HMGCLL1: variants seen among roughly 807,000 people sequenced by gnomAD.
HMGCLL1 encodes the protein 3-hydroxy-3-methylglutaryl-CoA lyase like 1, also known as 3-hydroxymethyl-3-methylglutaryl-CoA lyase, cytoplasmic.
Under a neutral mutation model 39.1 loss-of-function variants are expected in HMGCLL1, and 36 were observed. That is an observed-to-expected ratio of 0.92 (90% CI 0.71 to 1.22). The LOEUF is 1.22. Among genes scored for constraint, HMGCLL1 ranks in the 50% most tolerant of loss-of-function variants. HMGCLL1 has a pLI of 0.00. For synonymous variants in HMGCLL1, 149 were observed against 144.0 expected, an observed-to-expected ratio of 1.03 and a Z score of -0.25; for missense variants, 451 against 416.5, an observed-to-expected ratio of 1.08 and a Z score of -0.72.
intron 7 of HMGCLL1, among the ~76,000 whole-genome samples, chr6:55,454,130 A>T (rs1051501360): frequency 6.6e-6 from 1 of 152,158 alleles, no homozygotes; most frequent in Non-Finnish European, 1.5e-5. Context: ...GGTAATGTTT[A>T]TATTTATAGT....
chr6:55,568,712 C>T (rs1771331137), intron 1 of HMGCLL1, among the ~76,000 whole-genome samples: 1 of 152,066 alleles, frequency 6.6e-6, no homozygotes, highest in Admixed American at 6.6e-5. Flanking sequence ...CCTTTCAAAT[C>T]TGAATTTCTA....
At chr6:55,666,357 T>C in the HMGCLL1 span, among the ~76,000 whole-genome samples, 1 of 151,810 alleles carries the variant, frequency 6.6e-6, no homozygotes, top group South Asian at 2.1e-4. Flanking sequence ...ACCACATTCT[T>C]ATCCACTCAA....
chr6:55,650,110 T>TATATATATATATATACACATATAC, the HMGCLL1 span, among the ~76,000 whole-genome samples: 1 of 74,526 alleles, frequency 1.3e-5, no homozygotes, highest in Admixed American at 1.5e-4. Context: ...TATATATATA[T>TATATATATATATATACACATATAC]ATATATATAT....
chr6:55,516,857 TTTA>T (rs1436248439), intron 3 of HMGCLL1, among the ~76,000 whole-genome samples: 2 of 152,118 alleles, frequency 1.3e-5, no homozygotes, highest in Non-Finnish European at 2.9e-5. Flanking sequence ...AATTCGGAAC[TTTA>T]TTATTTTCAC....
Position 55,481,608 on chromosome 6 carries a change from G to A in HMGCLL1, c.795+13811C>T, listed in dbSNP as rs567828155. 2.6e-5 allele frequency among the ~76,000 whole-genome samples: 4 copies of A among 152,188 alleles called. No homozygotes were observed. The South Asian group carries it at 6.2e-4, about 24-fold the overall frequency. The stretch of plus-strand genomic sequence containing the variant: ...GATCTACACTCTTAGAGTAGGCTCA[G>A]TCTGTGTAAGCTAGTGAAAGCATGC... On this transcript the variant is annotated intron_variant, in intron 7 of 8. Coordinates refer to ENST00000274901, the MANE Select transcript of HMGCLL1 (RefSeq NM_001042406.2).
At chr6:55,657,644 T>C in the HMGCLL1 span, among the ~76,000 whole-genome samples, 2 of 151,838 alleles carry the variant, frequency 1.3e-5, no homozygotes, top group Non-Finnish European at 2.9e-5. Flanking sequence ...AATAGCAAAA[T>C]ATGGAATCAA....
the HMGCLL1 span, among the ~76,000 whole-genome samples, chr6:55,654,228 A>G: frequency 1.3e-5 from 2 of 152,076 alleles, no homozygotes; most frequent in South Asian, 2.1e-4. Context: ...TGAAAGGGAA[A>G]GAGGAGGACA....
At chr6:55,660,565 G>T in the HMGCLL1 span, among the ~76,000 whole-genome samples, 1 of 151,940 alleles carries the variant, frequency 6.6e-6, no homozygotes, top group African/African-American at 2.4e-5. Context: ...TTTTATGGCT[G>T]TGAAGTATTC....
intron 3 of HMGCLL1, among the ~76,000 whole-genome samples, chr6:55,526,291 C>CT (rs1768318078): frequency 6.6e-6 from 1 of 151,848 alleles, no homozygotes; most frequent in Admixed American, 6.6e-5. Context: ...ATCTTTTTCC[C>CT]TTTTTTATCT....
the HMGCLL1 span, among the ~76,000 whole-genome samples, chr6:55,616,922 A>G: frequency 6.6e-6 from 1 of 152,096 alleles, no homozygotes; most frequent in Non-Finnish European, 1.5e-5. Flanking sequence ...TTGGAAATTT[A>G]AAATGTGACT....
chr6:55,492,413 C>T (rs1766361811), intron 7 of HMGCLL1, among the ~76,000 whole-genome samples: 1 of 152,140 alleles, frequency 6.6e-6, no homozygotes, highest in Non-Finnish European at 1.5e-5. Flanking sequence ...TGGTGAACAC[C>T]TCACTCAGCG....
chr6:55,460,060 T>A (rs1365285503), intron 7 of HMGCLL1, among the ~76,000 whole-genome samples: 1 of 151,976 alleles, frequency 6.6e-6, no homozygotes, highest in African/African-American at 2.4e-5. Context: ...GGCTGGTACC[T>A]AATCTTTTAT....
the HMGCLL1 span, among the ~76,000 whole-genome samples, chr6:55,635,401 C>A: frequency 6.6e-6 from 1 of 151,936 alleles, no homozygotes; most frequent in African/African-American, 2.4e-5. Flanking sequence ...CAAGACCTGA[C>A]TGTTTTGAGG....
chr6:55,530,533 T>G (rs1490320911), intron 3 of HMGCLL1, among the ~76,000 whole-genome samples: 2 of 151,992 alleles, frequency 1.3e-5, no homozygotes, highest in Non-Finnish European at 2.9e-5. Flanking sequence ...AAAAGCAAAA[T>G]AAAATCAAAT....
the HMGCLL1 span, among the ~76,000 whole-genome samples, chr6:55,673,552 A>C: frequency 6.6e-6 from 1 of 152,136 alleles, no homozygotes; most frequent in South Asian, 2.1e-4. Context: ...AGAAAATAGC[A>C]AACACCGTTA....
chr6:55,576,585 T>C (rs1251129810), intron 1 of HMGCLL1, among the ~76,000 whole-genome samples: 1 of 152,188 alleles, frequency 6.6e-6, no homozygotes, highest in Non-Finnish European at 1.5e-5. Context: ...TGAAGAGGGA[T>C]TCCTGGAAAG....
At chr6:55,557,640 GTC>G (rs956910534) in intron 1 of HMGCLL1, among the ~76,000 whole-genome samples, 4 of 152,088 alleles carry the variant, frequency 2.6e-5, no homozygotes, top group Admixed American at 2.0e-4. Flanking sequence ...CCCCAGAGGT[GTC>G]TCTAATGTTG....
At chr6:55,609,920 C>T in the HMGCLL1 span, among the ~76,000 whole-genome samples, 1 of 152,022 alleles carries the variant, frequency 6.6e-6, no homozygotes, top group Non-Finnish European at 1.5e-5. Context: ...AAGTGAACCC[C>T]CAGCAAACCC....
At position 55,496,128 on chromosome 6, in the gene HMGCLL1, T is replaced by C. The variant is rs1390903091; in HGVS notation, c.607-521A>G. Among the ~76,000 whole-genome samples, 9 of 152,102 alleles carry C rather than the reference T, an allele frequency of 5.9e-5. No individual in the cohort carries two copies. The South Asian group carries it at 1.2e-3, about 21-fold the overall frequency. On this transcript the variant is annotated intron_variant, in intron 6 of 8. Coordinates refer to ENST00000274901, the MANE Select transcript of HMGCLL1 (RefSeq NM_001042406.2). ...ACTCTATGGATCCACTTGTACGTGA[T>C]TTTTTAAAAAATAACTATATTAAAT... is the stretch of plus-strand genomic sequence containing the variant.
Sources: gnomAD v4.1 joint callset for allele counts (sites outside exome capture counted in the v4.1 genomes callset) on GRCh38, gnomAD v4.1.1 for gene constraint, MANE v1.5 for transcripts, NCBI Gene and HGNC (gene_info 2026-07-23, HGNC 2026-07-21) for gene names.